Variants in GRIA1 observed in about 807,000 individuals in gnomAD.
GRIA1 encodes the protein glutamate ionotropic receptor AMPA type subunit 1.
GRIA1 carries 31 observed loss-of-function variants against 99.2 expected under a neutral mutation model. The ratio of observed to expected loss-of-function variants is 0.31; its 90% CI spans 0.23 to 0.42. The LOEUF is 0.42. Ranked by LOEUF, GRIA1 falls within the 10% of genes least tolerant of loss-of-function variation. The probability of loss-of-function intolerance (pLI) is 1.00; values close to 1 mark genes in which losing one functional copy is unlikely to be tolerated. For missense variants in GRIA1, 782 were observed against 1,157.5 expected, an observed-to-expected ratio of 0.68 and a Z score of 4.71; for synonymous variants, 438 against 432.4, an observed-to-expected ratio of 1.01 and a Z score of -0.16.
At chr5:153,799,179 T>C (rs1765840647) in intron 14 of GRIA1, among the ~76,000 whole-genome samples, 1 of 152,066 alleles carries the variant, frequency 6.6e-6, no homozygotes, top group African/African-American at 2.4e-5. Flanking sequence ...TCAAACTCCA[T>C]CTCTCCCCTG....
intron 2 of GRIA1, among the ~76,000 whole-genome samples, chr5:153,571,683 T>C (rs566879408): frequency 2.0e-5 from 3 of 152,170 alleles, no homozygotes; most frequent in Admixed American, 6.5e-5. Context: ...AAGATAAACA[T>C]GGGATAAATA....
At chr5:153,717,683 T>C in intron 11 of GRIA1, among the ~76,000 whole-genome samples, 1 of 152,168 alleles carries the variant, frequency 6.6e-6, no homozygotes, top group South Asian at 2.1e-4. Flanking sequence ...TCAGCTGCCA[T>C]CAGGAAGAGC....
At position 153,811,664 on chromosome 5, in the gene GRIA1, T is replaced by C. The variant is rs956215710; in HGVS notation, c.*439T>C. 6.4e-6 allele frequency: 1 copy of C among 157,126 alleles called. No homozygotes were observed. The highest frequency in any genetic ancestry group is 6.2e-5 in the Admixed American group (1 of 16,198). The allele number at this position is 157,126 out of a possible 1,614,324, so 9.7% of individuals were successfully genotyped here. A position where few individuals can be genotyped will look rare whatever the true frequency, so the allele number is the denominator to read the frequency against. On this transcript the variant is annotated 3_prime_UTR_variant, in exon 16 of 16. Coordinates refer to ENST00000285900, the MANE Select transcript of GRIA1 (RefSeq NM_000827.4). ...GCCCTTTCCTTCTCCTTACTTCTTATCCCCAACTCCCTACCCACCCCTCTT... is the reference window on the plus strand; with the variant it reads ...GCCCTTTCCTTCTCCTTACTTCTTACCCCCAACTCCCTACCCACCCCTCTT...
chr5:153,562,323 G>T (rs532242415), intron 2 of GRIA1, among the ~76,000 whole-genome samples: 1 of 152,114 alleles, frequency 6.6e-6, no homozygotes, highest in Non-Finnish European at 1.5e-5. Flanking sequence ...GACTTGGAGT[G>T]GGGGTGGAGG....
chr5:153,719,678 C>A (rs1759918617), intron 11 of GRIA1, among the ~76,000 whole-genome samples: 1 of 152,104 alleles, frequency 6.6e-6, no homozygotes, highest in Non-Finnish European at 1.5e-5. Flanking sequence ...GCCATTGTCA[C>A]AACCCCAACC....
intron 2 of GRIA1, among the ~76,000 whole-genome samples, chr5:153,605,544 T>C (rs1765368145): frequency 6.6e-6 from 1 of 152,210 alleles, no homozygotes; most frequent in Non-Finnish European, 1.5e-5. Flanking sequence ...TGTTCAGCTT[T>C]AATAGATACT....
rs1272924686 is a variant in GRIA1 at position 153,490,981 on chromosome 5, G to A, written c.82+11G>A. The A allele has an allele frequency of 2.5e-6, 4 of 1,612,188 alleles. No homozygotes were observed. The highest frequency in any genetic ancestry group is 3.4e-6 in the Non-Finnish European group (4 of 1,178,384). ...ACAATATCCAGATCGGTGAGTGAGG[G>A]GGCAGCCTGGGGAGGGACTTTCTGG... On this transcript the variant is annotated intron_variant, in intron 1 of 15. Coordinates refer to ENST00000285900, the MANE Select transcript of GRIA1 (RefSeq NM_000827.4).
chr5:153,785,424 A>C (rs1389503049), intron 13 of GRIA1, among the ~76,000 whole-genome samples: 1 of 152,228 alleles, frequency 6.6e-6, no homozygotes, highest in Non-Finnish European at 1.5e-5. Flanking sequence ...AATTACAAAA[A>C]AATAAAATGG....
intron 2 of GRIA1, among the ~76,000 whole-genome samples, chr5:153,635,913 C>T (rs1268690524): frequency 7.9e-5 from 12 of 152,182 alleles, no homozygotes; most frequent in Admixed American, 6.5e-5. Flanking sequence ...CAAAGCTGGC[C>T]GGTGCTAAGA....
At chr5:153,738,720 C>CTTTTTTTTTTTT (rs55874747) in intron 11 of GRIA1, among the ~76,000 whole-genome samples, 6,149 of 101,480 alleles carry the variant, frequency 0.061, 403 homozygotes, top group African/African-American at 0.07. Context: ...TCCATACCTT[C>CTTTTTTTTTTTT]TTTTTTTTTT....
At chr5:153,723,707 G>A (rs1274570300) in intron 11 of GRIA1, among the ~76,000 whole-genome samples, 1 of 151,850 alleles carries the variant, frequency 6.6e-6, no homozygotes, top group Admixed American at 6.6e-5. Flanking sequence ...CCCCGCCATT[G>A]CCCAGGCTTG....
At chr5:153,646,280 T>A (rs1443810400) in intron 2 of GRIA1, among the ~76,000 whole-genome samples, 1 of 108,604 alleles carries the variant, frequency 9.2e-6, no homozygotes, top group Non-Finnish European at 2.1e-5. Context: ...AAATGAACAC[T>A]GAGAGTTAAG....
intron 5 of GRIA1, among the ~76,000 whole-genome samples, chr5:153,657,344 G>C (rs996640374): frequency 2.0e-5 from 3 of 152,178 alleles, no homozygotes; most frequent in Non-Finnish European, 4.4e-5. Flanking sequence ...ATGATGGCAA[G>C]TGTCTCTTAA....
At chr5:153,804,675 A>C (rs1047597709) in intron 15 of GRIA1, among the ~76,000 whole-genome samples, 3 of 152,040 alleles carry the variant, frequency 2.0e-5, no homozygotes, top group Non-Finnish European at 2.9e-5. Context: ...CCATTTGTTA[A>C]CTATGTCATC....
chr5:153,714,049 G>C (rs1391814429), intron 11 of GRIA1, among the ~76,000 whole-genome samples: 2 of 152,210 alleles, frequency 1.3e-5, no homozygotes, highest in Non-Finnish European at 2.9e-5. Flanking sequence ...CTGGGTGACA[G>C]GGAGAGGAAG....
chr5:153,495,006 T>G (rs973795493), intron 2 of GRIA1, among the ~76,000 whole-genome samples: 5 of 152,198 alleles, frequency 3.3e-5, no homozygotes, highest in Admixed American at 1.3e-4. Flanking sequence ...ATGGACCATA[T>G]TTCCTTTGTG....
intron 5 of GRIA1, among the ~76,000 whole-genome samples, chr5:153,671,464 C>A (rs560813267): frequency 6.6e-6 from 1 of 152,178 alleles, no homozygotes; most frequent in Non-Finnish European, 1.5e-5. Context: ...GATGGTATAA[C>A]GTCTTGGAAT....
At chr5:153,500,655 A>G (rs1241785005) in intron 2 of GRIA1, among the ~76,000 whole-genome samples, 1 of 129,898 alleles carries the variant, frequency 7.7e-6, no homozygotes, top group Non-Finnish European at 1.7e-5. Context: ...ACACACACAC[A>G]TTCAGAGGAA....
At chr5:153,796,022 T>TC in intron 14 of GRIA1, among the ~76,000 whole-genome samples, 1 of 150,686 alleles carries the variant, frequency 6.6e-6, no homozygotes, top group Admixed American at 6.6e-5. Context: ...ACTTTTTTTT[T>TC]TTTTTTTGGA....
Sources: allele counts gnomAD v4.1 joint callset (sites outside exome capture counted in the v4.1 genomes callset), GRCh38; gene constraint gnomAD v4.1.1; transcripts MANE v1.5; gene names NCBI Gene and HGNC (gene_info 2026-07-23, HGNC 2026-07-21).